CNTRL: variants seen among roughly 807,000 people sequenced by gnomAD.
CNTRL encodes centriolin.
In CNTRL, 233 loss-of-function variants were observed where a neutral mutation model predicts 303.7. The observed-to-expected ratio is 0.77, with a 90% CI of 0.69 to 0.86. CNTRL has a LOEUF of 0.86. Among genes scored for constraint, CNTRL ranks in the 40% least tolerant of loss-of-function variants. CNTRL has a pLI of 0.00. For missense variants in CNTRL, 2,524 were observed against 2,650.6 expected (o/e 0.95, Z 1.05); for synonymous variants, 900 against 922.2 (o/e 0.98, Z 0.44).
chr9:121,107,763 A>T (rs1395399797), intron 7 of CNTRL, 39 bp from the exon 8 acceptor site: 1 of 1,220,890 alleles, frequency 8.2e-7, no homozygotes. Flanking sequence ...AAAAATAGGA[A>T]ATATAATGAT....
intron 13 of CNTRL, 25 bp from the exon 14 acceptor site, chr9:121,125,691 A>C (rs1483027573): frequency 6.3e-7 from 1 of 1,592,936 alleles, no homozygotes; most frequent in Non-Finnish European, 8.6e-7. Context: ...AAGATATATT[A>C]TTACCCTTTT....
intron 7 of CNTRL, among the ~76,000 whole-genome samples, chr9:121,101,717 A>G (rs189490572): frequency 6.6e-6 from 1 of 152,344 alleles, no homozygotes. Flanking sequence ...GATAAAGGAG[A>G]TATCACCACC....
chr9:121,143,383 T>C (rs1314327363), intron 19 of CNTRL, among the ~76,000 whole-genome samples: 2 of 152,224 alleles, frequency 1.3e-5, no homozygotes, highest in African/African-American at 2.4e-5. Context: ...CTCATGACCC[T>C]GCTCCCCAGA....
Position 121,088,510 on chromosome 9 carries a change from A to C in CNTRL, c.184A>C (p.Asn62His). 6.2e-7 allele frequency: 1 copy of C among 1,611,048 alleles called. No homozygotes were observed. The highest frequency in any genetic ancestry group is 8.5e-7 in the Non-Finnish European group (1 of 1,177,250). Residue 62 changes from asparagine to histidine, a missense_variant, in exon 3 of 44, where the codon AAC becomes CAC. Physicochemically the swap from Asn to His is moderately conservative, Grantham distance 68. Coordinates refer to ENST00000373855, the MANE Select transcript of CNTRL (RefSeq NM_007018.6). ...TGAGCAAGTTGAGATTGCAGATGAA[A>C]ACAATATGCTTTTGGACTATCAAGA... ...WCEQVEIADE[N>H]NMLLDYQDHK...
intron 11 of CNTRL, among the ~76,000 whole-genome samples, chr9:121,117,765 G>T (rs1434457635): frequency 1.3e-5 from 2 of 152,222 alleles, no homozygotes; most frequent in East Asian, 1.9e-4. Context: ...GGATCATGAG[G>T]TCAGGAGATT....
chr9:121,150,310 G>A lies in CNTRL; in HGVS notation c.3790G>A (p.Ala1264Thr). The change falls in exon 25 of 44, where the codon GCA (alanine) becomes ACA (threonine). Residue 1264 changes from alanine (A) to threonine (T), a missense_variant. Transcript: ENST00000373855. ...TGTACCCCAGGGCATGGCCCTGTATGCACCACCTCCTCCCTTGCCAAACAA... is the reference window on the plus strand; with the variant it reads ...TGTACCCCAGGGCATGGCCCTGTATACACCACCTCCTCCCTTGCCAAACAA... ...SPVPQGMALY[A>T]PPPPLPNNSR... 1 of 1,614,120 alleles carries A rather than the reference G, an allele frequency of 6.2e-7. No individual in the cohort carries two copies. The highest frequency in any genetic ancestry group is 8.5e-7 in the Non-Finnish European group (1 of 1,180,018).
At chr9:121,112,375 T>A in intron 8 of CNTRL, 84 bp from the exon 9 acceptor site, 20 of 1,240,538 alleles carry the variant, frequency 1.6e-5, no homozygotes, top group Non-Finnish European at 2.2e-5. Flanking sequence ...GATTATAACT[T>A]ACGATGAGAA....
rs144046537 is a variant in CNTRL at position 121,162,174 on chromosome 9, C to T, written c.5326C>T (p.Arg1776Ter). ...AATAGAACGAATGACTGCTGAGTCC[C>T]GAGCTTTACAATCGTGTGTTGAGTG... ...REIERMTAES[R>*]ALQSCVECLS... The change falls in exon 34 of 44, where the codon CGA becomes TGA. Residue 1776 changes from arginine to a stop codon, truncating the protein, a stop_gained. Transcript: ENST00000373855. LOFTEE classifies it high-confidence loss of function. The T allele has an allele frequency of 6.6e-5, 107 of 1,613,908 alleles. No individual in the cohort carries two copies. Among genetic ancestry groups the T allele is most frequent in the Non-Finnish European group, 8.3e-5 (98 of 1,179,998 alleles).
chr9:121,121,134 C>T (rs2050206917), intron 12 of CNTRL, among the ~76,000 whole-genome samples: 1 of 152,122 alleles, frequency 6.6e-6, no homozygotes, highest in Admixed American at 6.6e-5. Flanking sequence ...AAGTATCTTT[C>T]TGAATAGCCA....
chr9:121,148,803 A>G lies in CNTRL; in HGVS notation c.3591A>G (p.Ser1197=). 1.9e-6 allele frequency: 3 copies of G among 1,614,030 alleles called. No individual in the cohort carries two copies. In the East Asian group the frequency reaches 6.7e-5, roughly 36 times the overall value. Residue 1197 remains serine, a synonymous_variant, in exon 24 of 44, where the codon TCA becomes TCG. Coordinates refer to ENST00000373855, the MANE Select transcript of CNTRL (RefSeq NM_007018.6). ...AAGGCAGTCAACCTCCCCCTGCCTC[A>G]GGATACTGGGTTTATTCTCCCATCA... ...GKEGSQPPPA[S]GYWVYSPIRS...
rs368652606 is a variant in CNTRL, at chr9:121,173,404, C to A, written c.6579C>A (p.Asn2193Lys). ...ATCTAGAAGCTATTTTGGAAAGAAA[C>A]GAAAACCTAGAAGGAGAATTGGAAA... ...PADLEAILER[N>K]ENLEGELESL... is the part of the protein sequence containing the mutation. Residue 2193 changes from asparagine to lysine, a missense_variant, in exon 41 of 44, where the codon AAC (asparagine) becomes AAA (lysine). Coordinates refer to ENST00000373855, the MANE Select transcript of CNTRL (RefSeq NM_007018.6). 3 of 1,613,932 alleles carry A rather than the reference C, an allele frequency of 1.9e-6. No homozygotes were observed. In the East Asian group the frequency reaches 6.7e-5, roughly 36 times the overall value.
rs2051449351 is a variant in CNTRL at position 121,140,587 on chromosome 9, A to G, written c.2338-54A>G. Reference sequence around the variant, plus strand: ...TAGATATGTTTGTTAGTTCGTTAGTAGTGAAAATATGCTGGCATGTAATAG... The same window carrying G: ...TAGATATGTTTGTTAGTTCGTTAGTGGTGAAAATATGCTGGCATGTAATAG... On this transcript the variant is annotated intron_variant, in intron 16 of 43. Coordinates refer to ENST00000373855, the MANE Select transcript of CNTRL (RefSeq NM_007018.6). The G allele has an allele frequency of 2.0e-6, 3 of 1,480,050 alleles. No individual in the cohort carries two copies. In the South Asian group the frequency reaches 4.0e-5, roughly 20 times the overall value. The allele number at this position is 1,480,050 out of a possible 1,614,324, so 91.7% of individuals were successfully genotyped here.
Position 121,177,265 on chromosome 9 carries a change from GT to G in CNTRL, c.*86del, listed in dbSNP as rs2053565795. 4.0e-6 allele frequency: 5 copies of G among 1,253,586 alleles called. No homozygotes were observed. The highest frequency in any genetic ancestry group is 2.3e-6 in the Non-Finnish European group (2 of 867,042). 77.7% of individuals were successfully genotyped at this position (1,253,586 alleles called of 1,614,324 possible). On this transcript the variant is annotated 3_prime_UTR_variant, in exon 44 of 44. Transcript: ENST00000373855. ...GACTTCATAATTGGAATGTCACATG[GT>G]TTTTTTAATCAAGATGCAGTGAACT... is the stretch of plus-strand genomic sequence containing the variant.
chr9:121,128,172 G>A (rs559102658), intron 14 of CNTRL, among the ~76,000 whole-genome samples: 11 of 152,238 alleles, frequency 7.2e-5, no homozygotes, highest in African/African-American at 4.8e-5. Flanking sequence ...TAATGGGATC[G>A]CTGGGTCAAA....
intron 34 of CNTRL, among the ~76,000 whole-genome samples, chr9:121,163,284 C>A (rs762902597): frequency 4.7e-5 from 7 of 149,340 alleles, no homozygotes; most frequent in Admixed American, 2.0e-4. Context: ...GATACCATTG[C>A]ACTCCAGCCA....
At position 121,135,896 on chromosome 9, in the gene CNTRL, G is replaced by A. The variant is rs747266568; in HGVS notation, c.2116G>A (p.Ala706Thr). The change falls in exon 15 of 44, where the codon GCT becomes ACT. Residue 706 changes from alanine (A) to threonine (T), a missense_variant. Transcript: ENST00000373855. ...CCAGGGAGATCTCAGTGCCTATGAA[G>A]CTGAGCTAGAGGCTCGGCTAAACCT... ...QTQGDLSAYEAELEARLNLRD... is the reference protein window; with the variant it reads ...QTQGDLSAYETELEARLNLRD... 1 of 1,614,076 alleles carries A rather than the reference G, an allele frequency of 6.2e-7. No homozygotes were observed. Among genetic ancestry groups the A allele is most frequent in the Non-Finnish European group, 8.5e-7 (1 of 1,179,964 alleles).
intron 7 of CNTRL, among the ~76,000 whole-genome samples, chr9:121,103,435 C>T (rs1401630230): frequency 2.0e-5 from 3 of 152,138 alleles, no homozygotes; most frequent in Non-Finnish European, 4.4e-5. Context: ...AGACCTAAAA[C>T]CATAAAAACC....
At position 121,123,686 on chromosome 9, in the gene CNTRL, GA is replaced by G. The variant is rs200320486; in HGVS notation, c.1651-240del. ...ACTGACCTACCTAGCTGTGCCCTTG[GA>G]AAAACCACTTAACCTCTTTGATCCT... On this transcript the variant is annotated intron_variant, in intron 12 of 43. Coordinates refer to ENST00000373855, the MANE Select transcript of CNTRL (RefSeq NM_007018.6). 5.9e-3 allele frequency among the ~76,000 whole-genome samples: 892 copies of G among 152,202 alleles called. 10 individuals are homozygous for G. Among genetic ancestry groups the G allele is most frequent in the African/African-American group, 0.02 (828 of 41,516 alleles).
In CNTRL at chr9:121,144,839, G is replaced by T; in HGVS notation, c.3052-4G>T. 1 of 1,610,574 alleles carries T rather than the reference G, an allele frequency of 6.2e-7. No individual in the cohort carries two copies. The highest frequency in any genetic ancestry group is 8.5e-7 in the Non-Finnish European group (1 of 1,177,672). ...GTGCCTTTCTCATACTTCTGTCCCA[G>T]TAGGAGTTGCAGGAAGCAGAGAGGT... On this transcript the variant is annotated splice_region_variant and splice_polypyrimidine_tract_variant and intron_variant, in intron 20 of 43. Transcript: ENST00000373855.
Sources: gnomAD v4.1 joint callset for allele counts (sites outside exome capture counted in the v4.1 genomes callset) on GRCh38, gnomAD v4.1.1 for gene constraint, MANE v1.5 for transcripts, NCBI Gene and HGNC (gene_info 2026-07-23, HGNC 2026-07-21) for gene names.